JHY: variants seen among roughly 807,000 people sequenced by gnomAD.
The protein encoded by JHY is junctional cadherin complex regulator, also known as jhy protein homolog.
A neutral mutation model predicts 78.0 loss-of-function variants in JHY; 69 were observed. That is an observed-to-expected ratio of 0.88 (90% CI 0.73 to 1.08). JHY has a LOEUF of 1.08. Ranked by LOEUF, JHY falls within the 50% of genes least tolerant of loss-of-function variation. JHY has a pLI of 0.00. For synonymous variants in JHY, 368 were observed against 342.6 expected, an observed-to-expected ratio of 1.07 and a Z score of -0.82; for missense variants, 944 against 927.8, an observed-to-expected ratio of 1.02 and a Z score of -0.23.
intron 5 of JHY, among the ~76,000 whole-genome samples, chr11:122,936,736 G>A (rs1312883081): frequency 1.3e-5 from 2 of 152,046 alleles, no homozygotes; most frequent in Non-Finnish European, 2.9e-5. Flanking sequence ...TTTTTAATAA[G>A]TTGCTTGATT....
chr11:122,947,921 C>A (rs1863999407), intron 6 of JHY, among the ~76,000 whole-genome samples: 2 of 152,102 alleles, frequency 1.3e-5, no homozygotes, highest in Non-Finnish European at 2.9e-5. Context: ...TTCTCCCATA[C>A]CAACCTGCCA....
chr11:122,933,116 A>AT (rs1317396701), intron 4 of JHY, among the ~76,000 whole-genome samples: 3 of 152,244 alleles, frequency 2.0e-5, no homozygotes, highest in African/African-American at 7.2e-5. Flanking sequence ...ACTGCTTAAT[A>AT]TTATACAGGA....
At position 122,917,726 on chromosome 11, in the gene JHY, A is replaced by C. The variant is rs1291083867; in HGVS notation, c.865-7171A>C. ...TGAGCTTTGTGATTTTTTTGTTTTT[A>C]TCTCTAATGTGTCCATTCAGAGGTC... On this transcript the variant is annotated intron_variant, in intron 3 of 8. Transcript: ENST00000227349. This position sits in a 1 kb window ranked among gnomAD's most constrained non-coding sequence, Gnocchi z 4.1. Among the ~76,000 whole-genome samples the C allele has an allele frequency of 2.0e-5, 3 of 152,080 alleles. No individual in the cohort carries two copies. The highest frequency in any genetic ancestry group is 4.4e-5 in the Non-Finnish European group (3 of 68,002).
Position 122,923,883 on chromosome 11 carries a change from ATTTTTTTTTTTT to A in JHY, c.865-998_865-987del, listed in dbSNP as rs760512913. ...AGACCCCAGTCACCACGCCTGGCTA[ATTTTTTTTTTTT>A]TTTTTTTTTTTTTTTGTATTTTTAG... On this transcript the variant is annotated intron_variant, in intron 3 of 8. Transcript: ENST00000227349. Among the ~76,000 whole-genome samples, 10 of 100,506 alleles carry A rather than the reference ATTTTTTTTTTTT, an allele frequency of 9.9e-5. No homozygotes were observed. The South Asian group carries it at 1.1e-3, about 11-fold the overall frequency. The allele number at this position is 100,506 out of a possible 152,430, so 65.9% of individuals were successfully genotyped here.
Position 122,921,977 on chromosome 11 carries a change from A to G in JHY, c.865-2920A>G, listed in dbSNP as rs565561657. 3.9e-3 allele frequency among the ~76,000 whole-genome samples: 583 copies of G among 149,790 alleles called. 2 individuals are homozygous for G. Among genetic ancestry groups the G allele is most frequent in the Non-Finnish European group, 6.5e-3 (439 of 67,238 alleles). On this transcript the variant is annotated intron_variant, in intron 3 of 8. Transcript: ENST00000227349. ...GCCTGGACCACAGAGCAAGATCTGG[A>G]AAAAAAAAAGAGAGAGAAAGAAGAG...
In JHY at chr11:122,885,869, T is replaced by C. The variant is rs1223222591; in HGVS notation, c.20T>C (p.Ile7Thr). Residue 7 changes from isoleucine to threonine, a missense_variant, in exon 2 of 9, where the codon ATT (isoleucine) becomes ACT (threonine). Transcript: ENST00000227349. The part of the protein sequence containing the change: MSKRKL[I>T]PKLSIQSPVL... ...TTCAAGATGAGTAAACGTAAACTAATTCCCAAGCTCTCTATTCAATCTCCT... is the reference window on the plus strand; with the variant it reads ...TTCAAGATGAGTAAACGTAAACTAACTCCCAAGCTCTCTATTCAATCTCCT... The C allele has an allele frequency of 6.2e-7, 1 of 1,608,620 alleles. No homozygotes were observed. The highest frequency in any genetic ancestry group is 1.7e-4 in the Middle Eastern group (1 of 6,034).
chr11:122,886,327 C>G, intron 2 of JHY, 134 bp downstream of exon 2: 1 of 807,354 alleles, frequency 1.2e-6, no homozygotes. Flanking sequence ...CTCCAAGCAG[C>G]CAAGGATAGC....
rs1864261957 is a variant in JHY at position 122,959,409 on chromosome 11, G to C, written c.2301G>C (p.Gln767His). 2 of 1,614,124 alleles carry C rather than the reference G, an allele frequency of 1.2e-6. No homozygotes were observed. Residue 767 changes from glutamine to histidine, a missense_variant, in exon 9 of 9, where the codon CAG (glutamine) becomes CAC (histidine). Physicochemically the swap from Gln to His is conservative, Grantham distance 24 (BLOSUM62 0). Transcript: ENST00000227349. The part of the protein sequence containing the change: ...ILQNRHEREK[Q>H]AVAAFKVLHI... ...AGAACAGACACGAAAGGGAAAAACA[G>C]GCTGTGGCTGCTTTCAAAGTCCTTC...
chr11:122,914,550 T>G (rs1863197078), intron 3 of JHY, among the ~76,000 whole-genome samples: 1 of 152,174 alleles, frequency 6.6e-6, no homozygotes, highest in South Asian at 2.1e-4. Context: ...GTTCAAGCGA[T>G]TCTCCTGCCT....
intron 4 of JHY, among the ~76,000 whole-genome samples, chr11:122,933,965 G>T (rs765438512): frequency 6.6e-6 from 1 of 152,078 alleles, no homozygotes; most frequent in Non-Finnish European, 1.5e-5. Context: ...TTAAGTCAAA[G>T]ACTTAACTTT....
At chr11:122,887,019 T>C (rs1193071139) in intron 2 of JHY, among the ~76,000 whole-genome samples, 1 of 152,216 alleles carries the variant, frequency 6.6e-6, no homozygotes, top group East Asian at 1.9e-4. Flanking sequence ...TATCACTCTG[T>C]TACAATTGAG....
intron 3 of JHY, among the ~76,000 whole-genome samples, chr11:122,922,782 C>G (rs1407861937): frequency 7.3e-6 from 1 of 137,104 alleles, no homozygotes; most frequent in Admixed American, 7.8e-5. Flanking sequence ...TGCACTCCAG[C>G]CTGGGCAACA....
chr11:122,884,598 T>C (rs1862455477), intron 1 of JHY, among the ~76,000 whole-genome samples: 3 of 152,122 alleles, frequency 2.0e-5, no homozygotes, highest in African/African-American at 7.2e-5. Flanking sequence ...TAATGACCCT[T>C]ACAGACAGTG....
At chr11:122,892,328 T>TG (rs539047703) in intron 2 of JHY, among the ~76,000 whole-genome samples, 5,962 of 143,586 alleles carry the variant, frequency 0.042, 400 homozygotes, top group East Asian at 0.33. Context: ...TAATCTGCAT[T>TG]TTTTTTTTTT....
chr11:122,926,984 T>G (rs1948610546), intron 4 of JHY: 3 of 152,204 alleles, frequency 2.0e-5, no homozygotes, highest in African/African-American at 7.2e-5. Context: ...TAATTGTCAC[T>G]AAGGAAAGCC....
intron 4 of JHY, among the ~76,000 whole-genome samples, chr11:122,932,232 G>T (rs769271024): frequency 6.6e-6 from 1 of 152,270 alleles, no homozygotes; most frequent in South Asian, 2.1e-4. Flanking sequence ...TGCTTGGAAG[G>T]TGAGAAAAAT....
In JHY at chr11:122,917,534, A is replaced by G. The variant is rs535901164; in HGVS notation, c.865-7363A>G. The stretch of plus-strand genomic sequence containing the variant: ...GGCCCCATGCCAGACCTCCTGAGTC[A>G]GAAACTCTGGGGTGAGGTCCAGCAA... On this transcript the variant is annotated intron_variant, in intron 3 of 8. Coordinates refer to ENST00000227349, the MANE Select transcript of JHY (RefSeq NM_024806.4). The surrounding 1 kb of genome is among the most constrained non-coding windows in gnomAD (Gnocchi z 4.1). 1.3e-5 allele frequency among the ~76,000 whole-genome samples: 2 copies of G among 152,326 alleles called. No individual in the cohort carries two copies. The highest frequency in any genetic ancestry group is 2.9e-5 in the Non-Finnish European group (2 of 68,028).
chr11:122,897,998 C>A (rs955163643), intron 2 of JHY, among the ~76,000 whole-genome samples: 2 of 152,182 alleles, frequency 1.3e-5, no homozygotes, highest in African/African-American at 4.8e-5. Flanking sequence ...TATCATCTAG[C>A]AATTGAATGT....
intron 5 of JHY, among the ~76,000 whole-genome samples, chr11:122,939,472 CAT>C (rs2135363027): frequency 6.6e-6 from 1 of 152,268 alleles, no homozygotes; most frequent in Admixed American, 6.5e-5. Context: ...AGATAGTTAC[CAT>C]TCAACCATCT....
Sources: allele counts gnomAD v4.1 joint callset (sites outside exome capture counted in the v4.1 genomes callset), GRCh38; gene constraint gnomAD v4.1.1; non-coding constraint Gnocchi (gnomAD v3.1); transcripts MANE v1.5; gene names NCBI Gene and HGNC (gene_info 2026-07-23, HGNC 2026-07-21).